Variants in GALNTL6 observed in about 807,000 individuals in gnomAD.
GALNTL6 encodes the protein polypeptide N-acetylgalactosaminyltransferase-like 6.
GALNTL6 carries 46 observed loss-of-function variants against 73.7 expected under a neutral mutation model. The observed-to-expected ratio is 0.62, with a 90% CI of 0.49 to 0.80. The LOEUF (loss-of-function observed/expected upper bound fraction) is 0.80. Ranked by LOEUF, GALNTL6 falls within the 30% of genes least tolerant of loss-of-function variation. GALNTL6 has a pLI of 0.00. For missense variants in GALNTL6, 604 were observed against 755.0 expected, an observed-to-expected ratio of 0.80 and a Z score of 2.34; for synonymous variants, 259 against 263.7, an observed-to-expected ratio of 0.98 and a Z score of 0.17.
At chr4:172,310,460 G>A (rs961937510) in intron 3 of GALNTL6, among the ~76,000 whole-genome samples, 23 of 151,970 alleles carry the variant, frequency 1.5e-4, no homozygotes, top group African/African-American at 5.3e-4. Flanking sequence ...TAGTAGAGAC[G>A]GCATTTCGCC....
At chr4:172,727,231 A>C (rs1231865352) in intron 5 of GALNTL6, among the ~76,000 whole-genome samples, 1 of 152,204 alleles carries the variant, frequency 6.6e-6, no homozygotes, top group Non-Finnish European at 1.5e-5. Context: ...CTGTTTTAAG[A>C]AATAACGCTG....
chr4:172,393,547 C>T lies in GALNTL6; in HGVS notation c.553+44858C>T, dbSNP rs113821819. Among the ~76,000 whole-genome samples the T allele has an allele frequency of 3.5e-3, 533 of 152,292 alleles. 2 individuals are homozygous for T. Among genetic ancestry groups the T allele is most frequent in the African/African-American group, 0.012 (494 of 41,572 alleles). Reference sequence around the variant, plus strand: ...TGACACATTAAATGATGAAGCTTAACGTCTCTTTTAAAAATCTCATCTTTT... The same window carrying T: ...TGACACATTAAATGATGAAGCTTAATGTCTCTTTTAAAAATCTCATCTTTT... On this transcript the variant is annotated intron_variant, in intron 5 of 12. Coordinates refer to ENST00000506823, the MANE Select transcript of GALNTL6 (RefSeq NM_001034845.3).
At chr4:172,098,641 TTATA>T (rs751555295) in intron 2 of GALNTL6, among the ~76,000 whole-genome samples, 40 of 152,062 alleles carry the variant, frequency 2.6e-4, no homozygotes, top group Non-Finnish European at 4.3e-4. Flanking sequence ...GCATGGAGGG[TTATA>T]TATTGCAAGT....
intron 7 of GALNTL6, among the ~76,000 whole-genome samples, chr4:172,827,491 G>C (rs905607558): frequency 1.3e-5 from 2 of 152,174 alleles, no homozygotes. Context: ...TAGGGAGGAA[G>C]TGGGGACAAT....
chr4:172,892,186 T>TA (rs1438629490), intron 8 of GALNTL6, among the ~76,000 whole-genome samples: 3 of 152,230 alleles, frequency 2.0e-5, no homozygotes, highest in African/African-American at 7.2e-5. Context: ...GCTGGGGAGC[T>TA]AGTGCAATCC....
chr4:172,816,161 G>A (rs1741595772), intron 7 of GALNTL6, among the ~76,000 whole-genome samples: 1 of 152,224 alleles, frequency 6.6e-6, no homozygotes, highest in Non-Finnish European at 1.5e-5. Context: ...TCTGTGGGAA[G>A]ACAGGGAGAG....
chr4:171,907,315 C>T (rs151118921), intron 2 of GALNTL6, among the ~76,000 whole-genome samples: 2,203 of 152,068 alleles, frequency 0.014, 55 homozygotes, highest in African/African-American at 0.05. Flanking sequence ...ACAAAATCAA[C>T]GTACGAAAAT....
intron 11 of GALNTL6, among the ~76,000 whole-genome samples, chr4:173,014,536 C>T (rs1752697481): frequency 6.6e-6 from 1 of 152,190 alleles, no homozygotes; most frequent in Admixed American, 6.5e-5. Context: ...CAGAAGCAAG[C>T]AAATGTGTGC....
intron 10 of GALNTL6, among the ~76,000 whole-genome samples, chr4:172,975,516 C>T (rs1750766920): frequency 6.6e-6 from 1 of 152,166 alleles, no homozygotes. Context: ...CATAAGTTCT[C>T]ATTCTGGTCC....
chr4:172,136,797 A>G (rs967626942), intron 2 of GALNTL6, among the ~76,000 whole-genome samples: 2 of 152,034 alleles, frequency 1.3e-5, no homozygotes, highest in South Asian at 2.1e-4. Context: ...TGCTAGTTTT[A>G]GTCATTTTCA....
intron 7 of GALNTL6, among the ~76,000 whole-genome samples, chr4:172,853,098 A>G (rs1743924589): frequency 6.6e-6 from 1 of 152,170 alleles, no homozygotes. Context: ...AGCACATCTT[A>G]ATGGGATGCC....
chr4:172,756,966 C>G (rs958355138), intron 5 of GALNTL6, among the ~76,000 whole-genome samples: 1 of 152,144 alleles, frequency 6.6e-6, no homozygotes, highest in Non-Finnish European at 1.5e-5. Context: ...TAAGATATTG[C>G]TAGAAGGCAA....
At chr4:172,866,574 C>G (rs1744675808) in intron 7 of GALNTL6, among the ~76,000 whole-genome samples, 1 of 152,186 alleles carries the variant, frequency 6.6e-6, no homozygotes, top group Non-Finnish European at 1.5e-5. Context: ...TGTTACATTA[C>G]CTTACAAAGT....
chr4:172,898,224 TTTA>T lies in GALNTL6; in HGVS notation c.1041+15323_1041+15325del, dbSNP rs1422453551. Among the ~76,000 whole-genome samples, 4 of 152,114 alleles carry T rather than the reference TTTA, an allele frequency of 2.6e-5. No homozygotes were observed. In the South Asian group the frequency reaches 6.2e-4, roughly 24 times the overall value. Reference sequence around the variant, plus strand: ...TCATATGTCTCATATGAACAATTTTTTTATTATTTTTATCTGAAATTGCCCAGT... The same window carrying T: ...TCATATGTCTCATATGAACAATTTTTTTATTTTTATCTGAAATTGCCCAGT... On this transcript the variant is annotated intron_variant, in intron 8 of 12. Coordinates refer to ENST00000506823, the MANE Select transcript of GALNTL6 (RefSeq NM_001034845.3).
At chr4:172,408,774 T>C (rs1561069850) in intron 5 of GALNTL6, among the ~76,000 whole-genome samples, 1 of 152,072 alleles carries the variant, frequency 6.6e-6, no homozygotes, top group Admixed American at 6.6e-5. Context: ...AAACCACTGC[T>C]CCGATGACTT....
intron 2 of GALNTL6, among the ~76,000 whole-genome samples, chr4:171,942,175 G>C (rs901141944): frequency 2.0e-5 from 3 of 151,620 alleles, no homozygotes; most frequent in African/African-American, 7.3e-5. Flanking sequence ...TGGATCACTT[G>C]AGGTCAGGAG....
chr4:172,484,663 T>C (rs1408069278), intron 5 of GALNTL6, among the ~76,000 whole-genome samples: 1 of 152,176 alleles, frequency 6.6e-6, no homozygotes, highest in Non-Finnish European at 1.5e-5. Flanking sequence ...ATTAAGTGCA[T>C]CACAGACAGA....
chr4:172,786,285 A>AC (rs1199309250), intron 5 of GALNTL6, among the ~76,000 whole-genome samples: 2 of 152,220 alleles, frequency 1.3e-5, no homozygotes, highest in African/African-American at 4.8e-5. Flanking sequence ...CTTTGGCTGT[A>AC]CCTACATCAT....
At chr4:172,524,208 A>T (rs746518831) in intron 5 of GALNTL6, among the ~76,000 whole-genome samples, 1 of 151,854 alleles carries the variant, frequency 6.6e-6, no homozygotes. Context: ...GTGAGTAGCT[A>T]TATTTCTTTA....
Sources: gnomAD v4.1 joint callset for allele counts (sites outside exome capture counted in the v4.1 genomes callset) on GRCh38, gnomAD v4.1.1 for gene constraint, MANE v1.5 for transcripts, NCBI Gene and HGNC (gene_info 2026-07-23, HGNC 2026-07-21) for gene names.